LRMDA: variants seen among roughly 807,000 people sequenced by gnomAD.
The protein encoded by LRMDA is leucine-rich melanocyte differentiation-associated protein.
LRMDA carries 18 observed loss-of-function variants against 29.8 expected under a neutral mutation model. That is an observed-to-expected ratio of 0.60 (90% confidence interval 0.42 to 0.90). The LOEUF (loss-of-function observed/expected upper bound fraction) is 0.90, where lower values mean the gene tolerates loss of function less well. Ranked by LOEUF, LRMDA falls within the 40% of genes least tolerant of loss-of-function variation. LRMDA has a pLI of 0.00. For synonymous variants in LRMDA, 125 were observed against 109.4 expected (o/e 1.14, Z -0.89); for missense variants, 273 against 273.9 (o/e 1.00, Z 0.02).
chr10:76,457,884 C>T (rs1189689038), intron 6 of LRMDA, among the ~76,000 whole-genome samples: 1 of 152,028 alleles, frequency 6.6e-6, no homozygotes, highest in African/African-American at 2.4e-5. Context: ...CTGCAAATGA[C>T]AAGAATCAAC....
chr10:75,713,737 T>G (rs1266521392), intron 2 of LRMDA, among the ~76,000 whole-genome samples: 1 of 152,184 alleles, frequency 6.6e-6, no homozygotes, highest in East Asian at 1.9e-4. Flanking sequence ...AAGGAAACTT[T>G]GTATTTTAGG....
At chr10:75,506,856 C>T (rs1224771592) in intron 2 of LRMDA, among the ~76,000 whole-genome samples, 1 of 152,154 alleles carries the variant, frequency 6.6e-6, no homozygotes, top group Non-Finnish European at 1.5e-5. Context: ...TCTCTCTTCA[C>T]CCTTAGTGAA....
chr10:76,183,387 G>A (rs1384743800), intron 5 of LRMDA, among the ~76,000 whole-genome samples: 1 of 152,206 alleles, frequency 6.6e-6, no homozygotes, highest in Non-Finnish European at 1.5e-5. Flanking sequence ...AAGTGGAAGG[G>A]CCTAGACATC....
intron 6 of LRMDA, among the ~76,000 whole-genome samples, chr10:76,397,785 G>A (rs927835291): frequency 3.9e-5 from 6 of 152,170 alleles, no homozygotes; most frequent in Non-Finnish European, 7.3e-5. Flanking sequence ...GGGGACTGCT[G>A]TAGTTCACAA....
intron 2 of LRMDA, among the ~76,000 whole-genome samples, chr10:75,596,056 T>A (rs1480896948): frequency 6.6e-6 from 1 of 152,224 alleles, no homozygotes; most frequent in Non-Finnish European, 1.5e-5. Context: ...TGCATGTGTA[T>A]ATGTGTGTAT....
chr10:75,535,130 A>G (rs1236104440), intron 2 of LRMDA, among the ~76,000 whole-genome samples: 1 of 152,196 alleles, frequency 6.6e-6, no homozygotes, highest in African/African-American at 2.4e-5. Flanking sequence ...CTTCTAAATT[A>G]GAAATTCATT....
intron 2 of LRMDA, among the ~76,000 whole-genome samples, chr10:75,552,214 G>GT (rs1392035608): frequency 6.6e-6 from 1 of 152,124 alleles, no homozygotes; most frequent in Non-Finnish European, 1.5e-5. Flanking sequence ...AGTATGGTAT[G>GT]TTGGCAATGA....
chr10:75,595,030 C>A lies in LRMDA; in HGVS notation c.131+156536C>A, dbSNP rs150985931. Among the ~76,000 whole-genome samples, 16 of 152,246 alleles carry A rather than the reference C, an allele frequency of 1.1e-4. No individual in the cohort carries two copies. In the East Asian group the frequency reaches 2.7e-3, roughly 26 times the overall value. On this transcript the variant is annotated intron_variant, in intron 2 of 6. Coordinates refer to ENST00000611255, the MANE Select transcript of LRMDA (RefSeq NM_001305581.2). ...TAGTTGTTTGTTTCTTCCTCTATCT[C>A]ATTATGTAAAGGTTCACTATGTAGT...
At chr10:76,116,959 C>A (rs115282740) in intron 5 of LRMDA, among the ~76,000 whole-genome samples, 1 of 152,076 alleles carries the variant, frequency 6.6e-6, no homozygotes, top group East Asian at 1.9e-4. Flanking sequence ...TTGTTATTCA[C>A]GTCTATCCAA....
At chr10:76,532,746 G>C (rs544019895) in intron 6 of LRMDA, among the ~76,000 whole-genome samples, 5 of 152,202 alleles carry the variant, frequency 3.3e-5, no homozygotes, top group Non-Finnish European at 5.9e-5. Context: ...AATCATCATG[G>C]GAGGTTTGGA....
chr10:75,763,132 T>A (rs1313458509), intron 2 of LRMDA, among the ~76,000 whole-genome samples: 1 of 152,244 alleles, frequency 6.6e-6, no homozygotes, highest in Admixed American at 6.5e-5. Flanking sequence ...AACTGATAAC[T>A]ACAAAACACC....
chr10:76,165,642 C>T (rs1041089914), intron 5 of LRMDA, among the ~76,000 whole-genome samples: 1 of 152,204 alleles, frequency 6.6e-6, no homozygotes, highest in African/African-American at 2.4e-5. Context: ...ACCATCATGG[C>T]AGAAGAGGAT....
chr10:75,835,659 G>T (rs1844421437), intron 2 of LRMDA, among the ~76,000 whole-genome samples: 1 of 152,166 alleles, frequency 6.6e-6, no homozygotes, highest in Admixed American at 6.5e-5. Flanking sequence ...GCTACTAAAA[G>T]GTTTTATGCC....
At chr10:75,462,168 G>C (rs1448302695) in intron 2 of LRMDA, among the ~76,000 whole-genome samples, 2 of 152,248 alleles carry the variant, frequency 1.3e-5, no homozygotes, top group African/African-American at 4.8e-5. Flanking sequence ...TGTATGGCCT[G>C]TCAGGGGTGT....
chr10:76,404,616 C>T (rs1281731366), intron 6 of LRMDA, among the ~76,000 whole-genome samples: 1 of 152,140 alleles, frequency 6.6e-6, no homozygotes, highest in Non-Finnish European at 1.5e-5. Context: ...GCTATATTCC[C>T]AGCCTGGATG....
At position 76,246,579 on chromosome 10, in the gene LRMDA, T is replaced by C. The variant is rs11001706; in HGVS notation, c.517-77822T>C. 1.1e-3 allele frequency among the ~76,000 whole-genome samples: 165 copies of C among 152,264 alleles called. 3 individuals carry two copies. The East Asian group carries it at 0.027, about 25-fold the overall frequency. On this transcript the variant is annotated intron_variant, in intron 5 of 6. Coordinates refer to ENST00000611255, the MANE Select transcript of LRMDA (RefSeq NM_001305581.2). ...AGCCGTACGAATCCACACCTGACTG[T>C]GGGACAGTAATAGGGTCTGAGAGTG... is the stretch of plus-strand genomic sequence containing the variant.
chr10:76,306,453 G>A (rs1386180498), intron 5 of LRMDA, among the ~76,000 whole-genome samples: 1 of 152,196 alleles, frequency 6.6e-6, no homozygotes, highest in Admixed American at 6.5e-5. Flanking sequence ...GTAGCAGCTA[G>A]TCCTAAGTCT....
chr10:76,288,616 C>G (rs756745048), intron 5 of LRMDA, among the ~76,000 whole-genome samples: 5 of 152,152 alleles, frequency 3.3e-5, no homozygotes, highest in Non-Finnish European at 5.9e-5. Flanking sequence ...CTGTTGGGGC[C>G]TAGTGCAGGA....
At chr10:76,250,172 T>C (rs1175311144) in intron 5 of LRMDA, among the ~76,000 whole-genome samples, 1 of 152,226 alleles carries the variant, frequency 6.6e-6, no homozygotes, top group African/African-American at 2.4e-5. Context: ...TGAGTTATCA[T>C]TCTTCAGCTG....
Sources: allele counts gnomAD v4.1 joint callset (sites outside exome capture counted in the v4.1 genomes callset), GRCh38; gene constraint gnomAD v4.1.1; transcripts MANE v1.5; gene names NCBI Gene and HGNC (gene_info 2026-07-23, HGNC 2026-07-21).